The following FOCAD variants were observed in gnomAD, a reference collection of about 807,000 sequenced individuals.
FOCAD encodes the protein KIAA1797.
A neutral mutation model predicts 225.6 loss-of-function variants in FOCAD; 198 were observed. The ratio of observed to expected loss-of-function variants is 0.88; its 90% CI spans 0.78 to 0.99. FOCAD has a LOEUF of 0.99. FOCAD is among the 50% of genes least tolerant of loss of function. The pLI is 0.00. For missense variants in FOCAD, 2,713 were observed against 2,123.6 expected, an observed-to-expected ratio of 1.28 and a Z score of -5.46; for synonymous variants, 897 against 755.0, an observed-to-expected ratio of 1.19 and a Z score of -3.08.
chr9:20,914,840 T>G (rs1041757804), intron 23 of FOCAD, among the ~76,000 whole-genome samples: 56 of 152,316 alleles, frequency 3.7e-4, no homozygotes, highest in African/African-American at 1.3e-3. Context: ...GGGGCATGGT[T>G]AGGAGTCCGT....
At chr9:20,663,616 G>A (rs1400487970) in intron 2 of FOCAD, among the ~76,000 whole-genome samples, 1 of 152,010 alleles carries the variant, frequency 6.6e-6, no homozygotes, top group Non-Finnish European at 1.5e-5. Flanking sequence ...TCTAAGACAT[G>A]GGCCCTCTTT....
intron 2 of FOCAD, among the ~76,000 whole-genome samples, chr9:20,678,375 C>G (rs546842379): frequency 3.9e-5 from 6 of 152,276 alleles, no homozygotes; most frequent in Admixed American, 6.5e-5. Flanking sequence ...ACCAGCCAAG[C>G]TTTAAGCTGA....
intron 11 of FOCAD, among the ~76,000 whole-genome samples, chr9:20,798,668 G>T (rs1163254997): frequency 6.6e-6 from 1 of 152,084 alleles, no homozygotes; most frequent in Non-Finnish European, 1.5e-5. Flanking sequence ...ATGGTAGTTT[G>T]TATCTCTGTG....
chr9:20,791,840 T>C (rs1466667861), intron 11 of FOCAD, among the ~76,000 whole-genome samples: 1 of 152,162 alleles, frequency 6.6e-6, no homozygotes, highest in Non-Finnish European at 1.5e-5. Flanking sequence ...AAAGGAAGGA[T>C]AGATAGTGTA....
intron 18 of FOCAD, among the ~76,000 whole-genome samples, chr9:20,871,798 A>G (rs1306261856): frequency 6.7e-6 from 1 of 148,724 alleles, no homozygotes; most frequent in African/African-American, 2.5e-5. Flanking sequence ...TAGGAGATAT[A>G]CCTAATGCTA....
intron 2 of FOCAD, among the ~76,000 whole-genome samples, chr9:20,667,216 A>G (rs1587181081): frequency 6.6e-6 from 1 of 152,210 alleles, no homozygotes; most frequent in South Asian, 2.1e-4. Flanking sequence ...CTTGTCTCAT[A>G]TTATCATCTT....
At chr9:20,771,132 T>C (rs1409594079) in intron 8 of FOCAD, among the ~76,000 whole-genome samples, 2 of 152,174 alleles carry the variant, frequency 1.3e-5, no homozygotes, top group Admixed American at 1.3e-4. Context: ...ATTCCAGCTG[T>C]AGAACAGCAT....
intron 16 of FOCAD, chr9:20,863,234 G>C (rs1050515924): frequency 1.3e-5 from 2 of 151,170 alleles, no homozygotes; most frequent in African/African-American, 4.9e-5. Flanking sequence ...TTACATTTAT[G>C]CCTCTACATT....
chr9:20,703,887 G>T (rs146764074), intron 1 of FOCAD, among the ~76,000 whole-genome samples: 1 of 152,214 alleles, frequency 6.6e-6, no homozygotes, highest in Non-Finnish European at 1.5e-5. Context: ...AAGATGGTAA[G>T]TGATTTGCCT....
intron 7 of FOCAD, among the ~76,000 whole-genome samples, chr9:20,766,417 C>G (rs1830056112): frequency 6.6e-6 from 1 of 152,176 alleles, no homozygotes; most frequent in South Asian, 2.1e-4. Flanking sequence ...GTTTCTTATA[C>G]TCTCTGAAAC....
chr9:20,881,918 A>G lies in FOCAD; in HGVS notation c.2365A>G (p.Met789Val), dbSNP rs750076736. The change falls in exon 20 of 44, where the codon ATG becomes GTG. Residue 789 changes from methionine (M) to valine (V), a missense_variant. Met to Val is a conservative substitution (Grantham distance 21, BLOSUM62 1). Transcript: ENST00000338382. ...ACTTGTGAAGCAAGAAATGGTGAATATGCCTCGTGGGATATATCACTCTGC... is the reference window on the plus strand; with the variant it reads ...ACTTGTGAAGCAAGAAATGGTGAATGTGCCTCGTGGGATATATCACTCTGC... ...TSLVKQEMVN[M>V]PRGIYHSALK... is the part of the protein sequence containing the mutation. 1.2e-6 allele frequency: 2 copies of G among 1,613,784 alleles called. No individual in the cohort carries two copies. The highest frequency in any genetic ancestry group is 1.7e-6 in the Non-Finnish European group (2 of 1,179,862).
chr9:20,804,947 C>G (rs928357832), intron 11 of FOCAD, among the ~76,000 whole-genome samples: 1 of 152,114 alleles, frequency 6.6e-6, no homozygotes, highest in African/African-American at 2.4e-5. Flanking sequence ...GGTTTGCTAA[C>G]AATTGCCCTT....
chr9:20,961,575 C>T (rs182861511), intron 35 of FOCAD, among the ~76,000 whole-genome samples: 39 of 152,268 alleles, frequency 2.6e-4, no homozygotes, highest in Admixed American at 2.2e-3. Context: ...AGCTGGGAAA[C>T]ATATGTTCTT....
At chr9:20,705,116 A>G (rs1237895024) in intron 1 of FOCAD, among the ~76,000 whole-genome samples, 5 of 152,232 alleles carry the variant, frequency 3.3e-5, no homozygotes, top group East Asian at 1.9e-4. Flanking sequence ...GTGGGGGTTG[A>G]ATGAGTTAAT....
chr9:20,743,281 A>G (rs1827775308), intron 5 of FOCAD, among the ~76,000 whole-genome samples: 1 of 152,212 alleles, frequency 6.6e-6, no homozygotes, highest in African/African-American at 2.4e-5. Flanking sequence ...TTAAAATAGA[A>G]GGAGTATGGC....
chr9:20,957,238 A>C (rs898841241), intron 35 of FOCAD, among the ~76,000 whole-genome samples: 1 of 42,600 alleles, frequency 2.3e-5, no homozygotes, highest in Non-Finnish European at 5.7e-5. Context: ...TAATTTCTGT[A>C]CTTTTTGTAG....
At chr9:20,877,521 G>A (rs914047188) in intron 19 of FOCAD, among the ~76,000 whole-genome samples, 3 of 152,060 alleles carry the variant, frequency 2.0e-5, no homozygotes, top group African/African-American at 7.2e-5. Flanking sequence ...ACTAACAACA[G>A]CCACAATCTA....
At chr9:20,937,426 A>G (rs1000803766) in intron 28 of FOCAD, among the ~76,000 whole-genome samples, 3 of 152,212 alleles carry the variant, frequency 2.0e-5, no homozygotes, top group African/African-American at 7.2e-5. Context: ...ATAATGCCAC[A>G]TATCTACAAC....
At chr9:20,919,464 C>G (rs1261285359) in intron 24 of FOCAD, among the ~76,000 whole-genome samples, 1 of 152,140 alleles carries the variant, frequency 6.6e-6, no homozygotes, top group Non-Finnish European at 1.5e-5. Flanking sequence ...GAAAAAACTA[C>G]TTTAAAGTTC....
Sources: allele counts gnomAD v4.1 joint callset (sites outside exome capture counted in the v4.1 genomes callset), GRCh38; gene constraint gnomAD v4.1.1; transcripts MANE v1.5; gene names NCBI Gene and HGNC (gene_info 2026-07-23, HGNC 2026-07-21).